Variants in ANKRD45 observed in about 807,000 individuals in gnomAD.
The protein encoded by ANKRD45 is ankyrin repeat domain-containing protein 45.
A neutral mutation model predicts 28.1 loss-of-function variants in ANKRD45; 21 were observed. The ratio of observed to expected loss-of-function variants is 0.75; its 90% CI spans 0.53 to 1.08. The LOEUF (loss-of-function observed/expected upper bound fraction) is 1.08, where lower values mean the gene tolerates loss of function less well. Ranked by LOEUF, ANKRD45 falls within the 50% of genes least tolerant of loss-of-function variation. ANKRD45 has a pLI of 0.00. For synonymous variants in ANKRD45, 86 were observed against 103.9 expected, an observed-to-expected ratio of 0.83 and a Z score of 1.05; for missense variants, 261 against 308.7, an observed-to-expected ratio of 0.85 and a Z score of 1.16.
the ANKRD45 span, among the ~76,000 whole-genome samples, chr1:173,676,834 C>CAAAAAAAAAAAA: frequency 1.0e-5 from 1 of 98,806 alleles, no homozygotes; most frequent in African/African-American, 3.4e-5. Context: ...GACTCCATCT[C>CAAAAAAAAAAAA]AAAAAAAAAA....
chr1:173,650,327 T>G (rs1344540123), intron 2 of ANKRD45, among the ~76,000 whole-genome samples: 2 of 152,178 alleles, frequency 1.3e-5, no homozygotes, highest in Non-Finnish European at 2.9e-5. Flanking sequence ...CATTGTTCAA[T>G]TCCCACATAT....
At chr1:173,709,548 T>C in the ANKRD45 span, among the ~76,000 whole-genome samples, 2 of 152,098 alleles carry the variant, frequency 1.3e-5, no homozygotes, top group Admixed American at 6.6e-5. Context: ...CCAAGAGGCA[T>C]AGAAGACTTA....
chr1:173,632,799 T>G (rs1411370177), intron 3 of ANKRD45, among the ~76,000 whole-genome samples: 1 of 151,912 alleles, frequency 6.6e-6, no homozygotes, highest in Non-Finnish European at 1.5e-5. Flanking sequence ...TAAAATTTAA[T>G]ATTCCTTCAT....
rs1667785333 is a variant in ANKRD45, at chr1:173,623,322, A to C, written c.730+1465T>G. ...GAGACTCCGCCTCGAAAAAAAAAAAAACACATTCATGTAGTCAGTAAACAA... is the reference window on the plus strand; with the variant it reads ...GAGACTCCGCCTCGAAAAAAAAAAACACACATTCATGTAGTCAGTAAACAA... On this transcript the variant is annotated intron_variant, in intron 5 of 5. Coordinates refer to ENST00000333279, the MANE Select transcript of ANKRD45 (RefSeq NM_198493.3). Among the ~76,000 whole-genome samples, 2 of 152,136 alleles carry C rather than the reference A, an allele frequency of 1.3e-5. 1 individual carries two copies. The highest frequency in any genetic ancestry group is 4.1e-4 in the South Asian group (2 of 4,822).
At chr1:173,627,617 T>A (rs1667994637) in intron 3 of ANKRD45, among the ~76,000 whole-genome samples, 1 of 152,138 alleles carries the variant, frequency 6.6e-6, no homozygotes, top group African/African-American at 2.4e-5. Context: ...GCCCAGCAGT[T>A]GGAATCTGAG....
intron 3 of ANKRD45, chr1:173,637,125 C>T (rs936418084): frequency 1.0e-6 from 1 of 995,882 alleles, no homozygotes; most frequent in African/African-American, 1.7e-5. Flanking sequence ...TCTTTGGAAA[C>T]CTTTATAAAC....
At chr1:173,653,073 AG>A (rs1179141192) in intron 2 of ANKRD45, among the ~76,000 whole-genome samples, 1 of 152,000 alleles carries the variant, frequency 6.6e-6, no homozygotes, top group Admixed American at 6.5e-5. Context: ...ATTTTTTTGA[AG>A]GGTTTTTTGT....
the ANKRD45 span, among the ~76,000 whole-genome samples, chr1:173,691,821 C>A: frequency 6.6e-6 from 1 of 152,192 alleles, no homozygotes; most frequent in Admixed American, 6.5e-5. Context: ...AAGTGTGCAC[C>A]CTTACAGATG....
In ANKRD45 at chr1:173,610,083, G is replaced by C; in HGVS notation, c.*62C>G. 1.4e-6 allele frequency: 2 copies of C among 1,475,052 alleles called. No individual in the cohort carries two copies. The highest frequency in any genetic ancestry group is 1.9e-6 in the Non-Finnish European group (2 of 1,061,232). The allele number at this position is 1,475,052 out of a possible 1,614,324, so 91.4% of individuals were successfully genotyped here. On this transcript the variant is annotated 3_prime_UTR_variant, in exon 6 of 6. Transcript: ENST00000333279. Reference sequence around the variant, plus strand: ...CACATCTGTTTTCTCGATTTCAAATGGCATGAATAGGTTTGCCTTTCAGAT... The same window carrying C: ...CACATCTGTTTTCTCGATTTCAAATCGCATGAATAGGTTTGCCTTTCAGAT...
the ANKRD45 span, among the ~76,000 whole-genome samples, chr1:173,693,005 C>A: frequency 6.6e-6 from 1 of 152,068 alleles, no homozygotes; most frequent in African/African-American, 2.4e-5. Context: ...AATTTCTTGG[C>A]CGGTCATGGT....
At chr1:173,686,194 G>A in the ANKRD45 span, among the ~76,000 whole-genome samples, 327 of 152,268 alleles carry the variant, frequency 2.1e-3, 1 homozygote, top group African/African-American at 7.4e-3. Context: ...TCCCTACAGG[G>A]CATAACAAGG....
chr1:173,645,097 A>G (rs1247253811), intron 3 of ANKRD45, among the ~76,000 whole-genome samples: 1 of 152,218 alleles, frequency 6.6e-6, no homozygotes, highest in Non-Finnish European at 1.5e-5. Flanking sequence ...TTTTACTTAC[A>G]GATCTAATCA....
chr1:173,669,866 C>A (rs1030835160), upstream of ANKRD45: 1 of 169,504 alleles, frequency 5.9e-6, no homozygotes, highest in Non-Finnish European at 1.5e-5. Context: ...GCGCAACACG[C>A]GAGGCAGCGC....
At chr1:173,700,579 C>T in the ANKRD45 span, among the ~76,000 whole-genome samples, 1 of 152,116 alleles carries the variant, frequency 6.6e-6, no homozygotes, top group Admixed American at 6.5e-5. Context: ...GGAAAGGAGT[C>T]CCTATTTAAT....
the ANKRD45 span, among the ~76,000 whole-genome samples, chr1:173,690,727 T>G: frequency 6.6e-6 from 1 of 152,222 alleles, no homozygotes. Context: ...GCATGAGACC[T>G]AGGGGGCTAT....
chr1:173,710,212 T>G, the ANKRD45 span, among the ~76,000 whole-genome samples: 1 of 152,156 alleles, frequency 6.6e-6, no homozygotes, highest in African/African-American at 2.4e-5. Flanking sequence ...ACTCCTGTGG[T>G]CCCAGCTACT....
chr1:173,626,951 G>T, intron 4 of ANKRD45, 114 bp downstream of exon 4: 1 of 648,040 alleles, frequency 1.5e-6, no homozygotes, highest in South Asian at 2.1e-5. Context: ...AAGAAAGAGG[G>T]AGGAGGGAGG....
chr1:173,678,218 T>A, the ANKRD45 span, among the ~76,000 whole-genome samples: 35 of 152,118 alleles, frequency 2.3e-4, no homozygotes, highest in Admixed American at 2.3e-3. Context: ...ACTCATTTTA[T>A]GAGCATCATC....
Position 173,637,200 on chromosome 1 carries a change from A to G in ANKRD45, c.496+9646T>C, listed in dbSNP as rs541693393. On this transcript the variant is annotated intron_variant, in intron 3 of 5. Coordinates refer to ENST00000333279, the MANE Select transcript of ANKRD45 (RefSeq NM_198493.3). ...TGGGTTGAAATGTTACTTCCCATTC[A>G]ATTAAAAAAGAACCCGGACTTACTA... 7 of 566,546 alleles carry G rather than the reference A, an allele frequency of 1.2e-5. No individual in the cohort carries two copies. In the South Asian group the frequency reaches 1.6e-4, roughly 13 times the overall value. 35.1% of individuals were successfully genotyped at this position (566,546 alleles called of 1,614,324 possible).
Sources: gnomAD v4.1 joint callset for allele counts (sites outside exome capture counted in the v4.1 genomes callset) on GRCh38, gnomAD v4.1.1 for gene constraint, MANE v1.5 for transcripts, NCBI Gene and HGNC (gene_info 2026-07-23, HGNC 2026-07-21) for gene names.